Variants in GRID2IP observed in about 807,000 individuals in gnomAD.
The protein encoded by GRID2IP is delphilin.
A neutral mutation model predicts 114.3 loss-of-function variants in GRID2IP; 78 were observed. The ratio of observed to expected loss-of-function variants is 0.68; its 90% CI spans 0.57 to 0.82. The LOEUF is 0.82. Among genes scored for constraint, GRID2IP ranks in the 40% least tolerant of loss-of-function variants. The pLI is 0.00. For synonymous variants in GRID2IP, 809 were observed against 724.0 expected, an observed-to-expected ratio of 1.12 and a Z score of -1.89; for missense variants, 1,727 against 1,678.5, an observed-to-expected ratio of 1.03 and a Z score of -0.51.
rs753703412 is a variant in GRID2IP, at chr7:6,516,564, A to G, written c.1269-2035T>C. Among the ~76,000 whole-genome samples, 2 of 152,040 alleles carry G rather than the reference A, an allele frequency of 1.3e-5. No homozygotes were observed. The highest frequency in any genetic ancestry group is 1.3e-4 in the Admixed American group (2 of 15,254). ...CCTGGGAAGGCACCCGTTGCTTAGC[A>G]GACCGGGAAAGGGAGTCTCCCTTTC... is the stretch of plus-strand genomic sequence containing the variant. On this transcript the variant is annotated intron_variant, in intron 7 of 21. Transcript: ENST00000457091. This position sits in a 1 kb window ranked among gnomAD's most constrained non-coding sequence, Gnocchi z 4.3.
chr7:6,545,848 C>A (rs1193466410), intron 1 of GRID2IP, among the ~76,000 whole-genome samples: 1 of 152,210 alleles, frequency 6.6e-6, no homozygotes, highest in Non-Finnish European at 1.5e-5. Flanking sequence ...CAGCCGCCCC[C>A]TCCCCACGCA....
At chr7:6,514,233 A>G in intron 8 of GRID2IP, 142 bp downstream of exon 8, 1 of 805,176 alleles carries the variant, frequency 1.2e-6, no homozygotes, top group East Asian at 3.0e-5. Flanking sequence ...AGCCTGGGGC[A>G]CAAGAGTGAG....
chr7:6,517,222 T>A (rs1165850516), intron 7 of GRID2IP, among the ~76,000 whole-genome samples: 1 of 126,270 alleles, frequency 7.9e-6, no homozygotes, highest in Non-Finnish European at 1.9e-5. Context: ...GCCCGGCTAT[T>A]TTTTTTTTGT....
rs541452550 is a variant in GRID2IP at position 6,534,608 on chromosome 7, G to A, written c.584+5110C>T. 1.3e-5 allele frequency among the ~76,000 whole-genome samples: 2 copies of A among 152,314 alleles called. No homozygotes were observed. The highest frequency in any genetic ancestry group is 4.8e-5 in the African/African-American group (2 of 41,574). ...GGTCTACATCCGCCTGGTCCTGTACGGTAGCCGCTAGCCATATGTCACTGT... is the reference window on the plus strand; with the variant it reads ...GGTCTACATCCGCCTGGTCCTGTACAGTAGCCGCTAGCCATATGTCACTGT... On this transcript the variant is annotated intron_variant, in intron 2 of 21. Transcript: ENST00000457091. The surrounding 1 kb of genome is among the most constrained non-coding windows in gnomAD (Gnocchi z 4.5).
chr7:6,505,600 C>G (rs917175232), intron 14 of GRID2IP, among the ~76,000 whole-genome samples: 1 of 152,178 alleles, frequency 6.6e-6, no homozygotes, highest in Non-Finnish European at 1.5e-5. Flanking sequence ...AACCCCTGAG[C>G]TCAGGCGATC....
intron 1 of GRID2IP, among the ~76,000 whole-genome samples, chr7:6,550,202 A>G (rs551173375): frequency 1.1e-4 from 16 of 152,064 alleles, no homozygotes; most frequent in Admixed American, 5.9e-4. Flanking sequence ...TACGTTGCCC[A>G]GGCTGGCCTT....
intron 1 of GRID2IP, among the ~76,000 whole-genome samples, chr7:6,549,972 A>T (rs1286395246): frequency 2.0e-5 from 3 of 151,740 alleles, no homozygotes; most frequent in Admixed American, 6.6e-5. Context: ...CCAAGAAGCG[A>T]TATCTGTGGC....
rs556851851 is a variant in GRID2IP at position 6,507,298 on chromosome 7, G to A, written c.2544+687C>T. On this transcript the variant is annotated intron_variant, in intron 13 of 21. Transcript: ENST00000457091. The surrounding 1 kb of genome is among the most constrained non-coding windows in gnomAD (Gnocchi z 5.3). ...TCTGAGCTGGTCAAGCCCCATTGGG[G>A]GTTCCATCTGGGAATGTCTCTTTGA... Among the ~76,000 whole-genome samples, 1 of 152,294 alleles carries A rather than the reference G, an allele frequency of 6.6e-6. No individual in the cohort carries two copies. The highest frequency in any genetic ancestry group is 1.9e-4 in the East Asian group (1 of 5,182).
At chr7:6,499,119 T>C (rs1786342485) in intron 20 of GRID2IP, among the ~76,000 whole-genome samples, 1 of 152,166 alleles carries the variant, frequency 6.6e-6, no homozygotes, top group Non-Finnish European at 1.5e-5. Context: ...GTTTAACACC[T>C]CTATGAGGTA....
At chr7:6,503,733 C>T (rs1485402431) in intron 15 of GRID2IP, 46 bp from the exon 16 acceptor site, 5 of 1,375,076 alleles carry the variant, frequency 3.6e-6, no homozygotes, top group African/African-American at 1.6e-5. Flanking sequence ...CGGAGCGGGG[C>T]CGGATGGGAC....
rs535392152 is a variant in GRID2IP, at chr7:6,503,751, G to A, written c.2711-64C>T. The A allele has an allele frequency of 4.3e-5, 55 of 1,265,846 alleles. No individual in the cohort carries two copies. The African/African-American group carries it at 7.4e-4, about 17-fold the overall frequency. 78.4% of individuals were successfully genotyped at this position (1,265,846 alleles called of 1,614,324 possible). ...AGCGGGGCCGGATGGGACCCAAGACGGAGAGGGCAGGGCAGAGGCGGGGAG... is the reference window on the plus strand; with the variant it reads ...AGCGGGGCCGGATGGGACCCAAGACAGAGAGGGCAGGGCAGAGGCGGGGAG... On this transcript the variant is annotated intron_variant, in intron 15 of 21. Coordinates refer to ENST00000457091, the MANE Select transcript of GRID2IP (RefSeq NM_001145118.2).
At position 6,519,564 on chromosome 7, in the gene GRID2IP, C is replaced by T. The variant is rs1272916207; in HGVS notation, c.1268+1014G>A. On this transcript the variant is annotated intron_variant, in intron 7 of 21. Coordinates refer to ENST00000457091, the MANE Select transcript of GRID2IP (RefSeq NM_001145118.2). The surrounding 1 kb of genome is among the most constrained non-coding windows in gnomAD (Gnocchi z 4.1). The stretch of plus-strand genomic sequence containing the variant: ...CCTGAGGTCGGGAGTTTGAGACCAG[C>T]CTGACCAACATGGAGAAACCCTATC... 6.6e-6 allele frequency among the ~76,000 whole-genome samples: 1 copy of T among 151,946 alleles called. No individual in the cohort carries two copies. The highest frequency in any genetic ancestry group is 1.5e-5 in the Non-Finnish European group (1 of 67,988).
intron 2 of GRID2IP, among the ~76,000 whole-genome samples, chr7:6,531,888 C>T (rs1223297478): frequency 6.6e-6 from 1 of 152,186 alleles, no homozygotes; most frequent in Admixed American, 6.5e-5. Context: ...TTCCAAAACA[C>T]AGAGGAGGTG....
chr7:6,540,220 C>T (rs1008858884), intron 1 of GRID2IP, among the ~76,000 whole-genome samples: 1 of 151,772 alleles, frequency 6.6e-6, no homozygotes, highest in African/African-American at 2.4e-5. Flanking sequence ...TCAAGCGATT[C>T]TCCTGCCTCA....
rs143856683 is a variant in GRID2IP at position 6,506,223 on chromosome 7, G to A, written c.2545-316C>T. Among the ~76,000 whole-genome samples, 108 of 152,334 alleles carry A rather than the reference G, an allele frequency of 7.1e-4. 2 individuals are homozygous for A. Among genetic ancestry groups the A allele is most frequent in the Non-Finnish European group, 1.0e-3 (68 of 68,030 alleles). On this transcript the variant is annotated intron_variant, in intron 13 of 21. Transcript: ENST00000457091. This position sits in a 1 kb window ranked among gnomAD's most constrained non-coding sequence, Gnocchi z 5.2. ...GGCTAGAGCCAAGTAAGGGGCTACC[G>A]GAGGTGGCTCAGGGGTCTGGCTCTG...
At position 6,496,901 on chromosome 7, in the gene GRID2IP, T is replaced by C. The variant is rs937764451; in HGVS notation, c.*873A>G. On this transcript the variant is annotated 3_prime_UTR_variant, in exon 22 of 22. Transcript: ENST00000457091. The stretch of plus-strand genomic sequence containing the variant: ...TGGTATCCAGGTAACTCCTGCTATA[T>C]GCCTAGGCACATGTAAAATGACCAT... Among the ~76,000 whole-genome samples, 4 of 152,066 alleles carry C rather than the reference T, an allele frequency of 2.6e-5. No individual in the cohort carries two copies. Among genetic ancestry groups the C allele is most frequent in the African/African-American group, 9.7e-5 (4 of 41,426 alleles).
At chr7:6,533,681 T>C (rs1356833800) in intron 2 of GRID2IP, among the ~76,000 whole-genome samples, 3 of 151,448 alleles carry the variant, frequency 2.0e-5, no homozygotes, top group Non-Finnish European at 2.9e-5. Flanking sequence ...AAACTTTTTT[T>C]TTTTTTTTTT....
At chr7:6,549,468 A>G (rs1217363229) in intron 1 of GRID2IP, among the ~76,000 whole-genome samples, 1 of 152,206 alleles carries the variant, frequency 6.6e-6, no homozygotes, top group Admixed American at 6.5e-5. Flanking sequence ...GGTTTGTGCC[A>G]AAGTCAAGAG....
Position 6,536,739 on chromosome 7 carries a change from T to A in GRID2IP, c.584+2979A>T, listed in dbSNP as rs1779730559. On this transcript the variant is annotated intron_variant, in intron 2 of 21. Transcript: ENST00000457091. The surrounding 1 kb of genome is among the most constrained non-coding windows in gnomAD (Gnocchi z 5.3). The stretch of plus-strand genomic sequence containing the variant: ...CCAGGAAGCGCTCAGAGCCAGCGCA[T>A]CATCTCCGCGGCAAATTCGGCTCTA... The A allele has an allele frequency of 1.4e-6, 1 of 695,990 alleles. No individual in the cohort carries two copies. Among genetic ancestry groups the A allele is most frequent in the Admixed American group, 2.0e-5 (1 of 49,776 alleles). The allele number at this position is 695,990 out of a possible 1,614,324, so 43.1% of individuals were successfully genotyped here. A position where few individuals can be genotyped will look rare whatever the true frequency, so the allele number is the denominator to read the frequency against.
Sources: allele counts gnomAD v4.1 joint callset (sites outside exome capture counted in the v4.1 genomes callset), GRCh38; gene constraint gnomAD v4.1.1; non-coding constraint Gnocchi (gnomAD v3.1); transcripts MANE v1.5; gene names NCBI Gene and HGNC (gene_info 2026-07-23, HGNC 2026-07-21).